Variants in SLIT3 observed in about 807,000 individuals in gnomAD.
SLIT3 encodes the protein slit homolog 3 protein.
SLIT3 carries 68 observed loss-of-function variants against 184.0 expected under a neutral mutation model. The observed-to-expected ratio is 0.37, with a 90% CI of 0.30 to 0.45. The LOEUF (loss-of-function observed/expected upper bound fraction) is 0.45, where lower values mean the gene tolerates loss of function less well. Ranked by LOEUF, SLIT3 falls within the 20% of genes least tolerant of loss-of-function variation. The pLI, the probability that SLIT3 is intolerant of heterozygous loss-of-function variation, is 1.00. For missense variants in SLIT3, 1,707 were observed against 2,026.0 expected, an observed-to-expected ratio of 0.84 and a Z score of 3.02; for synonymous variants, 831 against 828.6, an observed-to-expected ratio of 1.00 and a Z score of -0.05.
At chr5:169,043,111 T>C (rs918867685) in intron 4 of SLIT3, among the ~76,000 whole-genome samples, 3 of 152,222 alleles carry the variant, frequency 2.0e-5, no homozygotes, top group South Asian at 2.1e-4. Flanking sequence ...TCTCATTTAC[T>C]TCTCAAAACA....
At chr5:168,790,457 C>T (rs1288490889) in intron 10 of SLIT3, 1 of 152,160 alleles carries the variant, frequency 6.6e-6, no homozygotes, top group Non-Finnish European at 1.5e-5. Context: ...TGAGGCTGCT[C>T]AATTACGGGC....
At chr5:169,200,274 G>A (rs751992634) in intron 3 of SLIT3, among the ~76,000 whole-genome samples, 1 of 152,218 alleles carries the variant, frequency 6.6e-6, no homozygotes, top group Non-Finnish European at 1.5e-5. Flanking sequence ...GCCCGAGGGA[G>A]GAAGAAAGTC....
Position 169,140,875 on chromosome 5 carries a change from C to T in SLIT3, c.413+52604G>A, listed in dbSNP as rs143236664. Among the ~76,000 whole-genome samples the T allele has an allele frequency of 9.5e-4, 144 of 152,310 alleles. 5 individuals carry two copies. The highest frequency in any genetic ancestry group is 3.4e-3 in the African/African-American group (140 of 41,558). ...CATTCAAAACCTCAGTGGTTCCTCA[C>T]TGCCTTCTAAATTAAATATAAAACT... On this transcript the variant is annotated intron_variant, in intron 4 of 35. Transcript: ENST00000519560.
intron 4 of SLIT3, among the ~76,000 whole-genome samples, chr5:169,041,112 A>G (rs996695247): frequency 6.6e-6 from 1 of 152,242 alleles, no homozygotes; most frequent in African/African-American, 2.4e-5. Flanking sequence ...AGGTTTCAGA[A>G]GTACAATATC....
Position 168,772,869 on chromosome 5 carries a change from G to A in SLIT3, c.1371C>T (p.Ile457=), listed in dbSNP as rs762828706. 26 of 1,613,960 alleles carry A rather than the reference G, an allele frequency of 1.6e-5. No individual in the cohort carries two copies. The highest frequency in any genetic ancestry group is 2.1e-5 in the Non-Finnish European group (25 of 1,180,044). The change falls in exon 14 of 36, where the codon ATC becomes ATT. Residue 457 remains isoleucine, a synonymous_variant. Transcript: ENST00000519560. ...WLADYLQDNP[I]ETSGARCSSP... is the part of the protein sequence containing the mutation. ...TGCTGCAGCGGGCCCCGCTTGTCTC[G>A]ATGGGGTTGTCCTGGAGGTAGTCGG...
intron 20 of SLIT3, among the ~76,000 whole-genome samples, chr5:168,746,311 G>GTGTGTGA (rs1763801528): frequency 2.4e-5 from 3 of 126,018 alleles, no homozygotes; most frequent in African/African-American, 8.9e-5. Context: ...TGGTGGTGTG[G>GTGTGTGA]GTGTGGTGGT....
chr5:169,144,390 T>A (rs1761858994), intron 4 of SLIT3, among the ~76,000 whole-genome samples: 1 of 152,244 alleles, frequency 6.6e-6, no homozygotes, highest in South Asian at 2.1e-4. Context: ...TCTGTACTTT[T>A]CCTTTTGCAA....
At chr5:168,743,570 A>C (rs7737922) in intron 20 of SLIT3, among the ~76,000 whole-genome samples, 58,814 of 151,958 alleles carry the variant, frequency 0.39, 11,729 homozygotes, top group East Asian at 0.47. Context: ...TCCGGAGACA[A>C]AGTACAATAT....
chr5:168,844,717 C>G, intron 5 of SLIT3, 62 bp from the exon 6 acceptor site: 1 of 1,526,764 alleles, frequency 6.5e-7, no homozygotes, highest in Non-Finnish European at 9.1e-7. Flanking sequence ...GCCGGCGGCC[C>G]AGGCCACCCG....
At chr5:169,279,323 T>C (rs900840663) in intron 1 of SLIT3, among the ~76,000 whole-genome samples, 2 of 152,128 alleles carry the variant, frequency 1.3e-5, no homozygotes, top group Admixed American at 1.3e-4. Context: ...ATGCTACTTA[T>C]TGAGCAAGGG....
chr5:168,719,892 T>C (rs1466071524), intron 23 of SLIT3: 1 of 152,198 alleles, frequency 6.6e-6, no homozygotes, highest in Non-Finnish European at 1.5e-5. Flanking sequence ...TCTAAAATGA[T>C]GATGCTAAAA....
chr5:168,937,103 C>T (rs1289833357), intron 4 of SLIT3, among the ~76,000 whole-genome samples: 1 of 151,914 alleles, frequency 6.6e-6, no homozygotes, highest in Non-Finnish European at 1.5e-5. Flanking sequence ...GAGGACTCAA[C>T]CAGGTGAAGT....
intron 4 of SLIT3, among the ~76,000 whole-genome samples, chr5:168,966,016 G>A (rs62377230): frequency 0.04 from 6,070 of 152,322 alleles, 156 homozygotes; most frequent in Middle Eastern, 0.065. Context: ...CCAAAGCTTA[G>A]GCAGTCATAA....
chr5:168,826,368 C>T (rs1757704754), intron 6 of SLIT3, among the ~76,000 whole-genome samples: 1 of 152,170 alleles, frequency 6.6e-6, no homozygotes, highest in Non-Finnish European at 1.5e-5. Flanking sequence ...GTTTTCGTTT[C>T]CCTAATAAAC....
rs1767039394 is a variant in SLIT3 at position 169,282,958 on chromosome 5, G to T, written c.197+17555C>A. 1.3e-5 allele frequency among the ~76,000 whole-genome samples: 2 copies of T among 152,152 alleles called. 1 individual carries two copies. Among genetic ancestry groups the T allele is most frequent in the South Asian group, 4.1e-4 (2 of 4,826 alleles). ...ATCACACTCTCTGGGGATTGGCCCG[G>T]GCATCAGTAATTTTTTAAGTCTCCC... On this transcript the variant is annotated intron_variant, in intron 1 of 35. Transcript: ENST00000519560.
intron 19 of SLIT3, among the ~76,000 whole-genome samples, chr5:168,749,127 A>G (rs1041439685): frequency 7.2e-5 from 11 of 152,214 alleles, no homozygotes; most frequent in Admixed American, 4.6e-4. Context: ...AGGGGCACCA[A>G]TCTCACTGTG....
chr5:169,195,363 C>T (rs996414295), intron 3 of SLIT3, among the ~76,000 whole-genome samples: 1 of 152,170 alleles, frequency 6.6e-6, no homozygotes, highest in Non-Finnish European at 1.5e-5. Flanking sequence ...TATAATAAGC[C>T]CACTGTCAAG....
intron 4 of SLIT3, among the ~76,000 whole-genome samples, chr5:169,134,344 G>A (rs890406892): frequency 6.6e-6 from 1 of 152,182 alleles, no homozygotes; most frequent in Admixed American, 6.5e-5. Context: ...ACATGCTGCA[G>A]CCAGACTGGC....
At chr5:168,862,131 G>A (rs1158685524) in intron 5 of SLIT3, among the ~76,000 whole-genome samples, 1 of 152,074 alleles carries the variant, frequency 6.6e-6, no homozygotes, top group Non-Finnish European at 1.5e-5. Flanking sequence ...GGCTAACACT[G>A]GGTCAAAGGA....
Sources: gnomAD v4.1 joint callset for allele counts (sites outside exome capture counted in the v4.1 genomes callset) on GRCh38, gnomAD v4.1.1 for gene constraint, MANE v1.5 for transcripts, NCBI Gene and HGNC (gene_info 2026-07-23, HGNC 2026-07-21) for gene names.